Variants in NEB observed in about 807,000 individuals in gnomAD.
NEB encodes the protein nemaline myopathy type 2.
A neutral mutation model predicts 952.2 loss-of-function variants in NEB; 512 were observed. That is an observed-to-expected ratio of 0.54 (90% CI 0.50 to 0.58). The LOEUF (loss-of-function observed/expected upper bound fraction) is 0.58, where lower values mean the gene tolerates loss of function less well. Ranked by LOEUF, NEB falls within the 20% of genes least tolerant of loss-of-function variation. NEB has a pLI of 0.00. For synonymous variants in NEB, 2,900 were observed against 3,149.8 expected (o/e 0.92, Z 2.66); for missense variants, 8,428 against 9,231.1 (o/e 0.91, Z 3.56).
chr2:151,664,777 G>T lies in NEB; in HGVS notation c.5325C>A (p.Asn1775Lys). The T allele has an allele frequency of 6.2e-7, 1 of 1,610,142 alleles. No individual in the cohort carries two copies. The highest frequency in any genetic ancestry group is 8.5e-7 in the Non-Finnish European group (1 of 1,177,052). ...DTPDILLSRVNQITMSDKLYK... is the reference protein window; with the variant it reads ...DTPDILLSRVKQITMSDKLYK... ...TACTTACATCACTCATGGTGATTTGGTTTACTCTGGAGAGTAAAATATCCG... is the reference window on the plus strand; with the variant it reads ...TACTTACATCACTCATGGTGATTTGTTTTACTCTGGAGAGTAAAATATCCG... Residue 1775 changes from asparagine to lysine, a missense_variant, in exon 43 of 182, where the codon AAC (asparagine) becomes AAA (lysine). Transcript: ENST00000397345.
intron 9 of NEB, among the ~76,000 whole-genome samples, chr2:151,718,430 C>T (rs1439661334): frequency 6.6e-6 from 1 of 152,126 alleles, no homozygotes; most frequent in Admixed American, 6.5e-5. Context: ...CTTTCACAGC[C>T]CATTATGAGT....
chr2:151,545,436 G>A (rs1389441833), intron 135 of NEB, among the ~76,000 whole-genome samples: 2 of 152,040 alleles, frequency 1.3e-5, no homozygotes, highest in African/African-American at 4.8e-5. Context: ...TTAGCCAGGC[G>A]TGGTGGCACA....
intron 4 of NEB, among the ~76,000 whole-genome samples, chr2:151,728,943 A>C (rs185101017): frequency 6.2e-4 from 94 of 152,310 alleles, no homozygotes; most frequent in African/African-American, 2.1e-3. Context: ...TACAGATACT[A>C]GTTTTTATGC....
At chr2:151,617,750 C>A (rs2098252399) in intron 74 of NEB, among the ~76,000 whole-genome samples, 1 of 150,070 alleles carries the variant, frequency 6.7e-6, no homozygotes, top group South Asian at 2.1e-4. Context: ...TGACAACCTA[C>A]TAATCCAATC....
chr2:151,704,627 G>C (rs1042745698), intron 13 of NEB, among the ~76,000 whole-genome samples: 1 of 152,154 alleles, frequency 6.6e-6, no homozygotes, highest in African/African-American at 2.4e-5. Context: ...GATTTTCCAG[G>C]TGCGTCCGTC....
chr2:151,640,056 A>G lies in NEB; in HGVS notation c.8690T>C (p.Met2897Thr), dbSNP rs747466015. The G allele has an allele frequency of 8.7e-6, 14 of 1,612,618 alleles. No homozygotes were observed. The highest frequency in any genetic ancestry group is 1.3e-5 in the African/African-American group (1 of 74,880). Residue 2897 changes from methionine to threonine, a missense_variant, in exon 62 of 182, where the codon ATG (methionine) becomes ACG (threonine). Physicochemically the swap from Met to Thr is moderately conservative, Grantham distance 81. Transcript: ENST00000397345. ...RQAYDLQSDN[M>T]YKSDLQWMRG... ...CATCCACTGGAGATCAGACTTGTAC[A>G]TATTCTGTTGACACAAATAGCCAAT...
chr2:151,724,166 G>A (rs2099783754), intron 8 of NEB, 94 bp downstream of exon 8: 2 of 965,566 alleles, frequency 2.1e-6, no homozygotes, highest in South Asian at 1.5e-5. Context: ...TTGGGGAATT[G>A]TATTCCAGAT....
At chr2:151,623,864 G>A (rs1279262119) in intron 71 of NEB, among the ~76,000 whole-genome samples, 1 of 152,032 alleles carries the variant, frequency 6.6e-6, no homozygotes, top group African/African-American at 2.4e-5. Flanking sequence ...ATCATCTCAT[G>A]GCTTCAGGCC....
intron 83 of NEB, among the ~76,000 whole-genome samples, chr2:151,606,976 C>A (rs2097723078): frequency 1.2e-5 from 1 of 85,412 alleles, no homozygotes; most frequent in African/African-American, 2.9e-5. Flanking sequence ...TTGAAAATAT[C>A]CCACTACAAG....
At position 151,631,183 on chromosome 2, in the gene NEB, T is replaced by C. The variant is rs369985728; in HGVS notation, c.9578A>G (p.Glu3193Gly). The change falls in exon 66 of 182, where the codon GAG (glutamate) becomes GGG (glycine). Residue 3193 changes from glutamate (E) to glycine (G), a missense_variant. Physicochemically the swap from Glu to Gly is moderately conservative, Grantham distance 98. Coordinates refer to ENST00000397345, the MANE Select transcript of NEB (RefSeq NM_001164508.2). Reference protein sequence around the residue: ...LKFTSVTDSLEQVLAKNNALN... With the variant: ...LKFTSVTDSLGQVLAKNNALN... Reference sequence around the variant, plus strand: ...AGCATTGTTCTTGGCCAGCACCTGCTCTAGAGAATCAGTCACACTGGTAAA... The same window carrying C: ...AGCATTGTTCTTGGCCAGCACCTGCCCTAGAGAATCAGTCACACTGGTAAA... 2.1e-5 allele frequency: 34 copies of C among 1,613,834 alleles called. No individual in the cohort carries two copies. The African/African-American group carries it at 4.0e-4, about 19-fold the overall frequency.
intron 171 of NEB, 187 bp downstream of exon 171, chr2:151,497,439 A>C: frequency 1.0e-6 from 1 of 980,812 alleles, no homozygotes; most frequent in Non-Finnish European, 1.2e-6. Context: ...ATTGAAATTA[A>C]CTGTATTATA....
intron 107 of NEB, among the ~76,000 whole-genome samples, chr2:151,571,905 C>A (rs1006129546): frequency 3.9e-5 from 6 of 152,202 alleles, no homozygotes; most frequent in Non-Finnish European, 7.3e-5. Flanking sequence ...CAAATTTTAT[C>A]CTTGTAAGCA....
chr2:151,601,397 A>G (rs1379537618), intron 88 of NEB, among the ~76,000 whole-genome samples: 2 of 145,616 alleles, frequency 1.4e-5, no homozygotes, highest in African/African-American at 2.6e-5. Flanking sequence ...GGCATGAGCC[A>G]CCATGCCTTG....
chr2:151,568,574 G>A (rs781679728), intron 111 of NEB, 44 bp downstream of exon 111: 2 of 1,502,488 alleles, frequency 1.3e-6, no homozygotes, highest in Non-Finnish European at 1.8e-6. Flanking sequence ...CTTTGGAAGT[G>A]ATATCTGCAT....
Position 151,518,380 on chromosome 2 carries a change from G to A in NEB, c.22738C>T (p.His7580Tyr), listed in dbSNP as rs1379865893. 1.9e-6 allele frequency: 3 copies of A among 1,612,448 alleles called. No homozygotes were observed. In the South Asian group the frequency reaches 3.3e-5, roughly 18 times the overall value. Residue 7580 changes from histidine to tyrosine, a missense_variant, in exon 156 of 182, where the codon CAC (histidine) becomes TAC (tyrosine). His to Tyr is a moderately conservative substitution (Grantham distance 83). Around this residue, in one of 11 missense-constraint regions of NEB, gnomAD observed 3,374 missense variants for 3,651.5 expected, o/e 0.92. Coordinates refer to ENST00000397345, the MANE Select transcript of NEB (RefSeq NM_001164508.2). ...TGCTCCAGATTATCGGGTATGGTGT[G>A]GTAGTGGCCTTTACTCTTCTCATAC... ...KKYEKSKGHYHTIPDNLEQLH... is the reference protein window; with the variant it reads ...KKYEKSKGHYYTIPDNLEQLH...
In NEB at chr2:151,567,231, C is replaced by T. The variant is rs1241342861; in HGVS notation, c.18093G>A (p.Trp6031Ter). Residue 6031 changes from tryptophan (W) to a stop codon, truncating the protein, a stop_gained, in exon 114 of 182, where the codon TGG becomes TGA. Coordinates refer to ENST00000397345, the MANE Select transcript of NEB (RefSeq NM_001164508.2). LOFTEE classifies it high-confidence loss of function. ...CATCGTTCTGGTCAGGATGACACATCCATTGGTGCAAGTAATTACGATAAT... is the reference window on the plus strand; with the variant it reads ...CATCGTTCTGGTCAGGATGACACATTCATTGGTGCAAGTAATTACGATAAT... ...DIDYRNYLHQ[W>*]MCHPDQNDVI... 2 of 1,613,792 alleles carry T rather than the reference C, an allele frequency of 1.2e-6. No homozygotes were observed. The highest frequency in any genetic ancestry group is 1.7e-4 in the Middle Eastern group (1 of 6,054).
At position 151,627,428 on chromosome 2, in the gene NEB, C is replaced by A. The variant is rs560075959; in HGVS notation, c.10143+95G>T. On this transcript the variant is annotated intron_variant, in intron 69 of 181. Coordinates refer to ENST00000397345, the MANE Select transcript of NEB (RefSeq NM_001164508.2). ...AATGAGCAGAGAGAAGAAATGTCAT[C>A]CCTTCTGAAGGTTCTACCTAATGCT... 5 of 1,504,562 alleles carry A rather than the reference C, an allele frequency of 3.3e-6. No individual in the cohort carries two copies. The South Asian group carries it at 5.2e-5, about 16-fold the overall frequency. The allele number at this position is 1,504,562 out of a possible 1,614,324, so 93.2% of individuals were successfully genotyped here.
chr2:151,648,303 ATG>A (rs2154129288), intron 54 of NEB, among the ~76,000 whole-genome samples: 1 of 150,482 alleles, frequency 6.6e-6, no homozygotes, highest in Non-Finnish European at 1.5e-5. Context: ...TTTCCTGCAC[ATG>A]TTTGTTATGG....
At chr2:151,640,700 T>C in intron 60 of NEB, 34 bp from the exon 61 acceptor site, 1 of 1,575,328 alleles carries the variant, frequency 6.3e-7, no homozygotes, top group South Asian at 1.2e-5. Flanking sequence ...GTCATCTGTT[T>C]TAACTTTTAG....
Sources: allele counts gnomAD v4.1 joint callset (sites outside exome capture counted in the v4.1 genomes callset), GRCh38; gene constraint gnomAD v4.1.1; regional missense constraint gnomAD v4.1.1; transcripts MANE v1.5; gene names NCBI Gene and HGNC (gene_info 2026-07-23, HGNC 2026-07-21).